Variants in DIAPH3 observed in about 807,000 individuals in gnomAD.
DIAPH3 encodes protein diaphanous homolog 3.
Under a neutral mutation model 144.3 loss-of-function variants are expected in DIAPH3, and 117 were observed. The ratio of observed to expected loss-of-function variants is 0.81; its 90% confidence interval spans 0.70 to 0.95. The LOEUF is 0.95. DIAPH3 is among the 40% of genes least tolerant of loss of function. The pLI, the probability that DIAPH3 is intolerant of heterozygous loss-of-function variation, is 0.00. For synonymous variants in DIAPH3, 519 were observed against 488.9 expected (o/e 1.06, Z -0.81); for missense variants, 1,421 against 1,412.7 (o/e 1.01, Z -0.09).
chr13:59,757,652 G>A (rs1007596399), intron 27 of DIAPH3, among the ~76,000 whole-genome samples: 6 of 151,724 alleles, frequency 4.0e-5, no homozygotes, highest in Non-Finnish European at 7.4e-5. Flanking sequence ...CGCCCACCTC[G>A]GCCTCCCAAA....
chr13:60,076,559 T>C (rs2057388749), intron 4 of DIAPH3, among the ~76,000 whole-genome samples: 1 of 152,166 alleles, frequency 6.6e-6, no homozygotes, highest in Non-Finnish European at 1.5e-5. Flanking sequence ...TTTACTGTTA[T>C]TAAATTCCTA....
At chr13:59,705,293 C>T (rs2034354879) in intron 27 of DIAPH3, among the ~76,000 whole-genome samples, 2 of 152,212 alleles carry the variant, frequency 1.3e-5, no homozygotes, top group Non-Finnish European at 2.9e-5. Flanking sequence ...TAATTAACCA[C>T]AAACCCCTTC....
intron 20 of DIAPH3, among the ~76,000 whole-genome samples, chr13:59,887,168 A>G (rs1377008175): frequency 6.6e-6 from 1 of 152,042 alleles, no homozygotes; most frequent in Non-Finnish European, 1.5e-5. Context: ...TTTTTCTCAT[A>G]ATTACCTTGT....
At chr13:59,681,134 T>C (rs923993928) in intron 27 of DIAPH3, among the ~76,000 whole-genome samples, 3 of 152,150 alleles carry the variant, frequency 2.0e-5, no homozygotes, top group Non-Finnish European at 4.4e-5. Flanking sequence ...GTCTTTCCAA[T>C]GAGGTTTATT....
intron 27 of DIAPH3, among the ~76,000 whole-genome samples, chr13:59,699,109 G>C (rs988134968): frequency 3.9e-5 from 6 of 152,166 alleles, no homozygotes; most frequent in Non-Finnish European, 8.8e-5. Context: ...AGTAAGGCAG[G>C]AGGCAGCTCA....
intron 5 of DIAPH3, among the ~76,000 whole-genome samples, chr13:60,037,138 T>C (rs1369297970): frequency 1.5e-5 from 1 of 66,748 alleles, no homozygotes; most frequent in Non-Finnish European, 3.2e-5. Flanking sequence ...ACGTTAAGTA[T>C]AATAACAAAA....
At chr13:60,142,883 G>A (rs2059458545) in intron 1 of DIAPH3, among the ~76,000 whole-genome samples, 1 of 151,766 alleles carries the variant, frequency 6.6e-6, no homozygotes, top group South Asian at 2.1e-4. Context: ...AAGTAGCTGG[G>A]ATTACAAGAG....
chr13:59,805,683 T>C (rs1393262644), intron 25 of DIAPH3, among the ~76,000 whole-genome samples: 1 of 151,874 alleles, frequency 6.6e-6, no homozygotes, highest in East Asian at 1.9e-4. Context: ...AGGTTCATCA[T>C]TTAAAAAAAA....
intron 4 of DIAPH3, among the ~76,000 whole-genome samples, chr13:60,052,959 T>TAAAAAAAAAAAAAAAAAAAAAAAAAAAA: frequency 2.5e-3 from 102 of 40,608 alleles, no homozygotes; most frequent in Non-Finnish European, 2.9e-3. Context: ...GACTCCCTCT[T>TAAAAAAAAAAAAAAAAAAAAAAAAAAAA]AAAAAAAAAA....
chr13:59,746,533 T>C (rs923117470), intron 27 of DIAPH3, among the ~76,000 whole-genome samples: 1 of 152,104 alleles, frequency 6.6e-6, no homozygotes, highest in Non-Finnish European at 1.5e-5. Flanking sequence ...ACCAGCTGGG[T>C]TTTGAATAGT....
intron 20 of DIAPH3, among the ~76,000 whole-genome samples, chr13:59,891,423 C>A (rs1397720368): frequency 6.7e-6 from 1 of 149,806 alleles, no homozygotes; most frequent in Non-Finnish European, 1.5e-5. Context: ...TGTTTCCATA[C>A]CAAAAAAACC....
chr13:59,705,285 A>G (rs1382315080), intron 27 of DIAPH3, among the ~76,000 whole-genome samples: 1 of 152,220 alleles, frequency 6.6e-6, no homozygotes, highest in Non-Finnish European at 1.5e-5. Context: ...GGAGACCCTA[A>G]TTAACCACAA....
chr13:59,789,484 A>G (rs1028807364), intron 25 of DIAPH3, among the ~76,000 whole-genome samples: 1 of 152,244 alleles, frequency 6.6e-6, no homozygotes, highest in Non-Finnish European at 1.5e-5. Flanking sequence ...TTTTTGAATA[A>G]AGAATGAAAT....
chr13:59,943,886 T>C (rs528324566), intron 17 of DIAPH3, among the ~76,000 whole-genome samples: 6 of 152,180 alleles, frequency 3.9e-5, no homozygotes, highest in Non-Finnish European at 8.8e-5. Flanking sequence ...ATAATAACAA[T>C]TACTACTATT....
chr13:59,791,520 A>G (rs890097968), intron 25 of DIAPH3, among the ~76,000 whole-genome samples: 28 of 152,150 alleles, frequency 1.8e-4, no homozygotes, highest in Admixed American at 9.8e-4. Context: ...AAGCCCTGCC[A>G]TAGGGTGGTA....
chr13:59,987,732 C>T (rs376876737), intron 12 of DIAPH3, among the ~76,000 whole-genome samples: 6 of 148,430 alleles, frequency 4.0e-5, no homozygotes, highest in East Asian at 2.0e-4. Flanking sequence ...TTTGGAAAGC[C>T]GGTAATATGA....
At chr13:59,830,037 G>A (rs1176604868) in intron 24 of DIAPH3, among the ~76,000 whole-genome samples, 7 of 151,738 alleles carry the variant, frequency 4.6e-5, no homozygotes, top group African/African-American at 1.5e-4. Context: ...CTATTAATGG[G>A]GATTTCCAGA....
intron 25 of DIAPH3, among the ~76,000 whole-genome samples, chr13:59,782,934 C>T (rs1055198998): frequency 2.6e-5 from 4 of 152,084 alleles, no homozygotes; most frequent in Non-Finnish European, 4.4e-5. Flanking sequence ...ACAGGGGTAA[C>T]GCTGCGAGGT....
chr13:59,879,617 G>T, intron 20 of DIAPH3, 149 bp from the exon 21 acceptor site: 2 of 1,170,968 alleles, frequency 1.7e-6, no homozygotes, highest in Non-Finnish European at 2.3e-6. Context: ...AGAGAGAAAA[G>T]CCCTGCTTGT....
Sources: gnomAD v4.1 joint callset for allele counts (sites outside exome capture counted in the v4.1 genomes callset) on GRCh38, gnomAD v4.1.1 for gene constraint, MANE v1.5 for transcripts, NCBI Gene and HGNC (gene_info 2026-07-23, HGNC 2026-07-21) for gene names.